The following PRKAG2 variants were observed in gnomAD, a reference collection of about 807,000 sequenced individuals.
PRKAG2 encodes protein kinase AMP-activated non-catalytic subunit gamma 2.
Under a neutral mutation model 69.6 loss-of-function variants are expected in PRKAG2, and 26 were observed. That is an observed-to-expected ratio of 0.37 (90% CI 0.27 to 0.52). The LOEUF is 0.52. Among genes scored for constraint, PRKAG2 ranks in the 20% least tolerant of loss-of-function variants. The pLI is 0.90. For synonymous variants in PRKAG2, 293 were observed against 285.0 expected (o/e 1.03, Z -0.28); for missense variants, 557 against 740.0 (o/e 0.75, Z 2.87).
At chr7:151,605,457 G>A (rs1817283439) in intron 5 of PRKAG2, among the ~76,000 whole-genome samples, 1 of 151,946 alleles carries the variant, frequency 6.6e-6, no homozygotes, top group Non-Finnish European at 1.5e-5. Flanking sequence ...TTTTATGGCT[G>A]GGTGCAGTGG....
intron 3 of PRKAG2, among the ~76,000 whole-genome samples, chr7:151,774,820 G>A (rs566943009): frequency 6.6e-6 from 1 of 152,146 alleles, no homozygotes; most frequent in African/African-American, 2.4e-5. Context: ...AAACAAAAAA[G>A]AAAAAGAAAG....
At chr7:151,717,954 C>T (rs1010877284) in intron 3 of PRKAG2, among the ~76,000 whole-genome samples, 1 of 152,176 alleles carries the variant, frequency 6.6e-6, no homozygotes, top group African/African-American at 2.4e-5. Context: ...GCCCACGCAG[C>T]ATCTTTTTAC....
chr7:151,682,518 G>A (rs1220086621), intron 3 of PRKAG2, among the ~76,000 whole-genome samples: 2 of 152,194 alleles, frequency 1.3e-5, no homozygotes, highest in Admixed American at 1.3e-4. Flanking sequence ...GAATATAGGT[G>A]TGAACCGCCA....
At chr7:151,705,588 C>T (rs1358723081) in intron 3 of PRKAG2, among the ~76,000 whole-genome samples, 4 of 152,118 alleles carry the variant, frequency 2.6e-5, no homozygotes, top group Non-Finnish European at 4.4e-5. Context: ...GAGAAAGAGA[C>T]GTGAGAGGTA....
chr7:151,559,253 T>C (rs1323041924), intron 15 of PRKAG2: 2 of 974,842 alleles, frequency 2.1e-6, no homozygotes, highest in African/African-American at 1.8e-5. Flanking sequence ...CTGTATCGTA[T>C]TCCATCGAAT....
intron 4 of PRKAG2, among the ~76,000 whole-genome samples, chr7:151,659,496 G>A (rs1829987840): frequency 6.6e-6 from 1 of 152,192 alleles, no homozygotes; most frequent in South Asian, 2.1e-4. Context: ...TGTTGACCTT[G>A]AGGCTTTTCT....
chr7:151,694,670 A>T (rs1836290665), intron 3 of PRKAG2, among the ~76,000 whole-genome samples: 1 of 152,184 alleles, frequency 6.6e-6, no homozygotes, highest in African/African-American at 2.4e-5. Context: ...ACATCTACAC[A>T]CAGCACGGAG....
chr7:151,778,936 C>A (rs1425045643), intron 3 of PRKAG2, among the ~76,000 whole-genome samples: 1 of 151,580 alleles, frequency 6.6e-6, no homozygotes, highest in Non-Finnish European at 1.5e-5. Flanking sequence ...TATGCACATA[C>A]ATACACACAT....
chr7:151,574,241 C>A (rs760410200), intron 8 of PRKAG2, among the ~76,000 whole-genome samples: 1 of 152,136 alleles, frequency 6.6e-6, no homozygotes, highest in African/African-American at 2.4e-5. Flanking sequence ...TCCTTCCCCC[C>A]ACCCTCATGA....
chr7:151,855,937 A>T (rs960634769), intron 1 of PRKAG2, among the ~76,000 whole-genome samples: 1 of 152,244 alleles, frequency 6.6e-6, no homozygotes, highest in African/African-American at 2.4e-5. Context: ...ATACCTTGAA[A>T]GGAGGAAAAA....
Position 151,814,882 on chromosome 7 carries a change from C to T in PRKAG2, c.115-28341G>A. Reference sequence around the variant, plus strand: ...GCTGGGGAGGAAACTCCTTACCACACAGCAAGCCAGCAGGAGGGAGGGCTG... The same window carrying T: ...GCTGGGGAGGAAACTCCTTACCACATAGCAAGCCAGCAGGAGGGAGGGCTG... On this transcript the variant is annotated intron_variant, in intron 1 of 15. Coordinates refer to ENST00000287878, the MANE Select transcript of PRKAG2 (RefSeq NM_016203.4). The surrounding 1 kb of genome is among the most constrained non-coding windows in gnomAD (Gnocchi z 4.8). 13 of 1,231,698 alleles carry T rather than the reference C, an allele frequency of 1.1e-5. No homozygotes were observed. Among genetic ancestry groups the T allele is most frequent in the Non-Finnish European group, 1.2e-5 (12 of 987,980 alleles). 76.3% of individuals were successfully genotyped at this position (1,231,698 alleles called of 1,614,324 possible). A position where few individuals can be genotyped will look rare whatever the true frequency, so the allele number is the denominator to read the frequency against.
intron 1 of PRKAG2, among the ~76,000 whole-genome samples, chr7:151,792,373 G>A (rs2077305035): frequency 6.6e-6 from 1 of 152,232 alleles, no homozygotes; most frequent in Admixed American, 6.5e-5. Context: ...CACATTTGGA[G>A]TCACATACAG....
Position 151,822,047 on chromosome 7 carries a change from T to C in PRKAG2, c.115-35506A>G, listed in dbSNP as rs28533699. ...GTTCCAGTGCCGCGTGACTCAGGTG[T>C]CAGAGAAGCCCATTTAAAGACCTCA... On this transcript the variant is annotated intron_variant, in intron 1 of 15. Coordinates refer to ENST00000287878, the MANE Select transcript of PRKAG2 (RefSeq NM_016203.4). Among the ~76,000 whole-genome samples the C allele has an allele frequency of 3.4e-3, 516 of 152,250 alleles. 6 individuals are homozygous for C. Among genetic ancestry groups the C allele is most frequent in the African/African-American group, 0.012 (509 of 41,540 alleles).
At chr7:151,849,689 C>T (rs1160278237) in intron 1 of PRKAG2, among the ~76,000 whole-genome samples, 2 of 152,128 alleles carry the variant, frequency 1.3e-5, no homozygotes, top group Non-Finnish European at 2.9e-5. Context: ...CCTGGGGATC[C>T]TTGGTAGCCA....
chr7:151,777,789 C>T lies in PRKAG2; in HGVS notation c.466+3363G>A, dbSNP rs2151796817. On this transcript the variant is annotated intron_variant, in intron 3 of 15. Coordinates refer to ENST00000287878, the MANE Select transcript of PRKAG2 (RefSeq NM_016203.4). This position sits in a 1 kb window ranked among gnomAD's most constrained non-coding sequence, Gnocchi z 4.3. ...AAGCAAGGATGATAATAGTACCTCC[C>T]TGAAACCAACTGTTCCTTGCTCAGG... Among the ~76,000 whole-genome samples, 1 of 152,316 alleles carries T rather than the reference C, an allele frequency of 6.6e-6. No individual in the cohort carries two copies. Among genetic ancestry groups the T allele is most frequent in the African/African-American group, 2.4e-5 (1 of 41,572 alleles).
At chr7:151,855,976 G>T (rs11762640) in intron 1 of PRKAG2, among the ~76,000 whole-genome samples, 1 of 152,104 alleles carries the variant, frequency 6.6e-6, no homozygotes, top group Non-Finnish European at 1.5e-5. Context: ...AAAGTAAGGC[G>T]GTCTCTGGAG....
intron 3 of PRKAG2, among the ~76,000 whole-genome samples, chr7:151,726,023 T>C (rs569243754): frequency 1.3e-5 from 2 of 152,248 alleles, no homozygotes; most frequent in South Asian, 4.2e-4. Context: ...TTCCCAGTCA[T>C]GAATAAATCC....
In PRKAG2 at chr7:151,719,139, C is replaced by T. The variant is rs1002042007; in HGVS notation, c.467-43502G>A. On this transcript the variant is annotated intron_variant, in intron 3 of 15. Coordinates refer to ENST00000287878, the MANE Select transcript of PRKAG2 (RefSeq NM_016203.4). This position sits in a 1 kb window ranked among gnomAD's most constrained non-coding sequence, Gnocchi z 5.2. ...GTTCCCCGAGCGTTGCTCCGGGAGA[C>T]GAGATGTATCTTGCAACCAGCTCAG... 3.9e-5 allele frequency among the ~76,000 whole-genome samples: 6 copies of T among 152,124 alleles called. No homozygotes were observed. The highest frequency in any genetic ancestry group is 1.9e-4 in the East Asian group (1 of 5,192).
At chr7:151,628,861 C>G (rs577266208) in intron 5 of PRKAG2, among the ~76,000 whole-genome samples, 1 of 152,084 alleles carries the variant, frequency 6.6e-6, no homozygotes, top group Admixed American at 6.6e-5. Context: ...GTAGCAGGCA[C>G]GGGGGAGAGA....
Sources: allele counts gnomAD v4.1 joint callset (sites outside exome capture counted in the v4.1 genomes callset), GRCh38; gene constraint gnomAD v4.1.1; non-coding constraint Gnocchi (gnomAD v3.1); transcripts MANE v1.5; gene names NCBI Gene and HGNC (gene_info 2026-07-23, HGNC 2026-07-21).